The following HCN2 variants were observed in gnomAD, a reference collection of about 807,000 sequenced individuals.
HCN2 encodes the protein hyperpolarization activated cyclic nucleotide gated potassium and sodium channel 2.
A neutral mutation model predicts 52.3 loss-of-function variants in HCN2; 20 were observed. The ratio of observed to expected loss-of-function variants is 0.38; its 90% confidence interval spans 0.27 to 0.56. The LOEUF (loss-of-function observed/expected upper bound fraction) is 0.56, where lower values mean the gene tolerates loss of function less well. HCN2 is among the 20% of genes least tolerant of loss of function. The probability of loss-of-function intolerance (pLI) is 0.71; values close to 1 mark genes in which losing one functional copy is unlikely to be tolerated. For synonymous variants in HCN2, 694 were observed against 537.0 expected (o/e 1.29, Z -4.04); for missense variants, 981 against 1,207.7 (o/e 0.81, Z 2.78).
intron 7 of HCN2, among the ~76,000 whole-genome samples, chr19:614,319 G>A (rs1336613294): frequency 6.6e-6 from 1 of 152,194 alleles, no homozygotes; most frequent in Non-Finnish European, 1.5e-5. Flanking sequence ...AATGCACAGG[G>A]TGTTTGCGGT....
chr19:600,555 C>T (rs1471640631), intron 1 of HCN2, among the ~76,000 whole-genome samples: 1 of 152,034 alleles, frequency 6.6e-6, no homozygotes, highest in Admixed American at 6.6e-5. Context: ...CTCTGTTGGC[C>T]AGGCTGGTCC....
At chr19:598,068 T>C (rs1432541046) in intron 1 of HCN2, among the ~76,000 whole-genome samples, 1 of 152,196 alleles carries the variant, frequency 6.6e-6, no homozygotes, top group Non-Finnish European at 1.5e-5. Context: ...AGCTCCACGG[T>C]GAGCCCCCTC....
intron 1 of HCN2, among the ~76,000 whole-genome samples, chr19:593,354 C>T (rs1031982027): frequency 4.6e-5 from 7 of 152,332 alleles, no homozygotes; most frequent in Middle Eastern, 3.4e-3. Flanking sequence ...CAGCGGCTCA[C>T]GCCTGAGATC....
chr19:611,027 C>T (rs1983613347), intron 5 of HCN2, among the ~76,000 whole-genome samples: 3 of 152,176 alleles, frequency 2.0e-5, no homozygotes, highest in Non-Finnish European at 2.9e-5. Flanking sequence ...CTGCTCACAG[C>T]CTTCTCCCCT....
chr19:608,508 GAGGAGAA>G (rs1983499910), intron 4 of HCN2, among the ~76,000 whole-genome samples: 1 of 151,962 alleles, frequency 6.6e-6, no homozygotes, highest in Non-Finnish European at 1.5e-5. Flanking sequence ...CTGTGATTAG[GAGGAGAA>G]ACGGCCGGTG....
chr19:603,491 C>G (rs1207319620), intron 1 of HCN2, 53 bp from the exon 2 acceptor site: 1 of 1,455,042 alleles, frequency 6.9e-7, no homozygotes. Context: ...GGGCTGGTCC[C>G]GCAGGTGCCC....
chr19:615,592 G>A (rs143149134), intron 7 of HCN2, among the ~76,000 whole-genome samples: 56 of 152,354 alleles, frequency 3.7e-4, no homozygotes, highest in Admixed American at 1.3e-4. Context: ...CAGGTGCTCA[G>A]CCTGTATATG....
intron 5 of HCN2, 97 bp downstream of exon 5, chr19:610,502 G>A (rs1011058287): frequency 5.8e-5 from 63 of 1,089,464 alleles, no homozygotes; most frequent in South Asian, 2.2e-4. Flanking sequence ...GAGGCGAGGT[G>A]CCTAGGCTGC....
intron 2 of HCN2, 29 bp from the exon 3 acceptor site, chr19:605,032 T>C: frequency 6.3e-7 from 1 of 1,595,868 alleles, no homozygotes; most frequent in Non-Finnish European, 8.5e-7. Context: ...GGTCAGCGGG[T>C]AGGGTGGGCT....
intron 5 of HCN2, among the ~76,000 whole-genome samples, chr19:611,407 G>A (rs1283117442): frequency 6.6e-6 from 1 of 152,278 alleles, no homozygotes. Flanking sequence ...GCCAGGCAGG[G>A]TGTCCCCGGT....
intron 1 of HCN2, among the ~76,000 whole-genome samples, chr19:596,920 G>T (rs868552678): frequency 6.0e-4 from 91 of 151,404 alleles, no homozygotes; most frequent in African/African-American, 2.2e-3. Flanking sequence ...GAGGGTTGGG[G>T]TGCACCGGCA....
intron 3 of HCN2, among the ~76,000 whole-genome samples, chr19:605,847 G>C (rs1019533487): frequency 6.6e-6 from 1 of 152,120 alleles, no homozygotes; most frequent in Non-Finnish European, 1.5e-5. Flanking sequence ...GCCCTTCAGG[G>C]GTGGGGACAA....
rs918286263 is a variant in HCN2, at chr19:615,653, A to T, written c.1991-142A>T. 22 of 732,950 alleles carry T rather than the reference A, an allele frequency of 3.0e-5. No individual in the cohort carries two copies. The East Asian group carries it at 6.1e-4, about 20-fold the overall frequency. 45.4% of individuals were successfully genotyped at this position (732,950 alleles called of 1,614,324 possible). A position where few individuals can be genotyped will look rare whatever the true frequency, so the allele number is the denominator to read the frequency against. ...GGCCAGAGATGCTACATATGTGCTTATTGTATACAGTAGGTGGTAAATGCA... is the reference window on the plus strand; with the variant it reads ...GGCCAGAGATGCTACATATGTGCTTTTTGTATACAGTAGGTGGTAAATGCA... On this transcript the variant is annotated intron_variant, in intron 7 of 7. Coordinates refer to ENST00000251287, the MANE Select transcript of HCN2 (RefSeq NM_001194.4).
At chr19:615,445 T>C (rs1600541593) in intron 7 of HCN2, among the ~76,000 whole-genome samples, 1 of 151,724 alleles carries the variant, frequency 6.6e-6, no homozygotes, top group South Asian at 2.1e-4. Flanking sequence ...ACCCGGGAGG[T>C]GGACCTTGCA....
At chr19:604,993 G>C in intron 2 of HCN2, 68 bp from the exon 3 acceptor site, 3 of 1,543,454 alleles carry the variant, frequency 1.9e-6, no homozygotes, top group Non-Finnish European at 2.6e-6. Context: ...GGGGCGCACG[G>C]GGCTGGGGCT....
At chr19:614,234 C>T (rs898894761) in intron 7 of HCN2, among the ~76,000 whole-genome samples, 1 of 152,048 alleles carries the variant, frequency 6.6e-6, no homozygotes, top group Non-Finnish European at 1.5e-5. Flanking sequence ...TCCTAGGACC[C>T]CTTTGGGTCT....
At position 616,903 on chromosome 19, in the gene HCN2, C is replaced by G. The variant is rs1983977022; in HGVS notation, c.*429C>G. 1 of 304,088 alleles carries G rather than the reference C, an allele frequency of 3.3e-6. No homozygotes were observed. The allele number at this position is 304,088 out of a possible 1,614,324, so 18.8% of individuals were successfully genotyped here. A position where few individuals can be genotyped will look rare whatever the true frequency, so the allele number is the denominator to read the frequency against. On this transcript the variant is annotated 3_prime_UTR_variant, in exon 8 of 8. Transcript: ENST00000251287. ...CCCGCCGGCTTCCCGCTGCCCCCATCGCGCTCACGCAATAACCGGCCCGGC... is the reference window on the plus strand; with the variant it reads ...CCCGCCGGCTTCCCGCTGCCCCCATGGCGCTCACGCAATAACCGGCCCGGC...
chr19:599,657 G>C (rs988414406), intron 1 of HCN2, among the ~76,000 whole-genome samples: 1 of 151,968 alleles, frequency 6.6e-6, no homozygotes, highest in Non-Finnish European at 1.5e-5. Context: ...GCGTGGTGGC[G>C]GGCGCCTATA....
At position 591,900 on chromosome 19, in the gene HCN2, C is replaced by T. The variant is rs963678174; in HGVS notation, c.632+1323C>T. Among the ~76,000 whole-genome samples, 3 of 152,154 alleles carry T rather than the reference C, an allele frequency of 2.0e-5. No individual in the cohort carries two copies. Among genetic ancestry groups the T allele is most frequent in the Non-Finnish European group, 2.9e-5 (2 of 68,016 alleles). On this transcript the variant is annotated intron_variant, in intron 1 of 7. Transcript: ENST00000251287. This position sits in a 1 kb window ranked among gnomAD's most constrained non-coding sequence, Gnocchi z 4.1. ...GTCCTGGACAGAGCCTGGAGGAAGG[C>T]CCTGGAATCCTCCTCCCACCCCAGG...
Sources: gnomAD v4.1 joint callset for allele counts (sites outside exome capture counted in the v4.1 genomes callset) on GRCh38, gnomAD v4.1.1 for gene constraint, Gnocchi (gnomAD v3.1) non-coding constraint, MANE v1.5 for transcripts, NCBI Gene and HGNC (gene_info 2026-07-23, HGNC 2026-07-21) for gene names.